The following ANO3 variants were observed in gnomAD, a reference collection of about 807,000 sequenced individuals.
The protein encoded by ANO3 is anoctamin-3.
A neutral mutation model predicts 144.8 loss-of-function variants in ANO3; 99 were observed. The ratio of observed to expected loss-of-function variants is 0.68; its 90% CI spans 0.58 to 0.81. ANO3 has a LOEUF of 0.81. Ranked by LOEUF, ANO3 falls within the 30% of genes least tolerant of loss-of-function variation. ANO3 has a pLI of 0.00. For synonymous variants in ANO3, 414 were observed against 392.6 expected, an observed-to-expected ratio of 1.05 and a Z score of -0.64; for missense variants, 905 against 1,202.2, an observed-to-expected ratio of 0.75 and a Z score of 3.66.
intron 8 of ANO3, among the ~76,000 whole-genome samples, chr11:26,532,196 G>A (rs1458716949): frequency 2.0e-5 from 3 of 152,132 alleles, no homozygotes; most frequent in Non-Finnish European, 4.4e-5. Flanking sequence ...TTTCCCCATA[G>A]CCTATTTATC....
At chr11:26,522,514 G>C (rs1446390097) in intron 6 of ANO3, among the ~76,000 whole-genome samples, 1 of 151,904 alleles carries the variant, frequency 6.6e-6, no homozygotes, top group Non-Finnish European at 1.5e-5. Context: ...CTTGACACAA[G>C]GTATAAAATA....
At chr11:26,529,340 TAA>T (rs1364606510) in intron 7 of ANO3, among the ~76,000 whole-genome samples, 4 of 196 alleles carry the variant, frequency 0.02, 2 homozygotes, top group African/African-American at 0.023. Context: ...TAATATATAA[TAA>T]TATATTATAT....
chr11:26,239,921 GTATT>G (rs1852623931), intron 1 of ANO3, among the ~76,000 whole-genome samples: 1 of 152,200 alleles, frequency 6.6e-6, no homozygotes, highest in African/African-American at 2.4e-5. Flanking sequence ...GAAAGAAAAT[GTATT>G]TATGTCTAAG....
intron 1 of ANO3, among the ~76,000 whole-genome samples, chr11:26,295,396 G>A (rs1854064388): frequency 6.6e-6 from 1 of 150,922 alleles, no homozygotes; most frequent in South Asian, 2.1e-4. Context: ...TTAGTGGCGG[G>A]CGCCTATAGT....
At chr11:26,227,909 T>C (rs1400533556) in intron 1 of ANO3, among the ~76,000 whole-genome samples, 1 of 152,204 alleles carries the variant, frequency 6.6e-6, no homozygotes, top group African/African-American at 2.4e-5. Context: ...GTCAGTGTGA[T>C]TGGAAAGTCA....
intron 10 of ANO3, among the ~76,000 whole-genome samples, chr11:26,539,777 T>C (rs1411188424): frequency 6.6e-6 from 1 of 152,180 alleles, no homozygotes. Context: ...TCACATTAAT[T>C]GCATACTTTC....
intron 14 of ANO3, among the ~76,000 whole-genome samples, chr11:26,574,020 T>C (rs1262696957): frequency 6.6e-6 from 1 of 152,140 alleles, no homozygotes; most frequent in Non-Finnish European, 1.5e-5. Flanking sequence ...ACTTTAGACC[T>C]CCTTTCTCCA....
intron 13 of ANO3, among the ~76,000 whole-genome samples, chr11:26,557,734 G>A (rs753198605): frequency 4.6e-5 from 7 of 152,088 alleles, no homozygotes; most frequent in Non-Finnish European, 8.8e-5. Flanking sequence ...CATGATCTAA[G>A]CTTGAGCCAT....
At chr11:26,532,963 A>G (rs892411513) in intron 8 of ANO3, among the ~76,000 whole-genome samples, 2 of 152,240 alleles carry the variant, frequency 1.3e-5, no homozygotes, top group Non-Finnish European at 2.9e-5. Context: ...CTGCTTAAAA[A>G]TTACTTGTTG....
At chr11:26,369,772 C>G (rs1856196927) in intron 1 of ANO3, among the ~76,000 whole-genome samples, 1 of 152,008 alleles carries the variant, frequency 6.6e-6, no homozygotes, top group Non-Finnish European at 1.5e-5. Context: ...CTATTGAATA[C>G]TCTATTGTTT....
intron 1 of ANO3, among the ~76,000 whole-genome samples, chr11:26,339,397 G>A (rs1015131699): frequency 1.3e-5 from 2 of 152,088 alleles, no homozygotes; most frequent in African/African-American, 2.4e-5. Flanking sequence ...CAGGCGATCC[G>A]CCTGCCTGGG....
At chr11:26,323,301 A>G (rs1447020233) in intron 1 of ANO3, among the ~76,000 whole-genome samples, 1 of 152,080 alleles carries the variant, frequency 6.6e-6, no homozygotes, top group Non-Finnish European at 1.5e-5. Flanking sequence ...TCTTGAGTAC[A>G]TTTTTAAAAA....
intron 1 of ANO3, among the ~76,000 whole-genome samples, chr11:26,315,686 C>CATCTATCTATCTATCTATCTATCT (rs764949318): frequency 9.2e-6 from 1 of 108,228 alleles, no homozygotes; most frequent in African/African-American, 2.9e-5. Flanking sequence ...TCTATCTATC[C>CATCTATCTATCTATCTATCTATCT]ATCTATCTAT....
At chr11:26,565,561 G>C (rs1850538550) in intron 14 of ANO3, 1 of 1,613,126 alleles carries the variant, frequency 6.2e-7, no homozygotes. Flanking sequence ...GTGGGTTTTA[G>C]ACTGCCCAAA....
At chr11:26,569,138 G>T (rs999624876) in intron 14 of ANO3, among the ~76,000 whole-genome samples, 1 of 151,970 alleles carries the variant, frequency 6.6e-6, no homozygotes, top group Non-Finnish European at 1.5e-5. Flanking sequence ...GAATTCTGTT[G>T]TTCCTGTTTC....
At chr11:26,627,486 TC>T (rs1454750706) in intron 18 of ANO3, among the ~76,000 whole-genome samples, 1 of 152,108 alleles carries the variant, frequency 6.6e-6, no homozygotes, top group Non-Finnish European at 1.5e-5. Context: ...AGTTCATTGT[TC>T]TTTAAACCCT....
At chr11:26,369,053 AC>A (rs1183792862) in intron 1 of ANO3, among the ~76,000 whole-genome samples, 2 of 152,134 alleles carry the variant, frequency 1.3e-5, no homozygotes, top group African/African-American at 4.8e-5. Flanking sequence ...ATTCATAAGA[AC>A]AAATAAGGTT....
intron 1 of ANO3, among the ~76,000 whole-genome samples, chr11:26,238,886 C>A (rs1458316034): frequency 6.6e-6 from 1 of 151,776 alleles, no homozygotes; most frequent in African/African-American, 2.4e-5. Context: ...TGTTTCAAAT[C>A]ATTATTCAAA....
In ANO3 at chr11:26,474,477, TTAA is replaced by T. The variant is rs374994700; in HGVS notation, c.432+11334_432+11336del. ...ACCTTTAAAATATTTTCAATTTTTC[TTAA>T]TAATTTTATACAATATTTTTAACTG... On this transcript the variant is annotated intron_variant, in intron 4 of 26. Transcript: ENST00000256737. Among the ~76,000 whole-genome samples the T allele has an allele frequency of 2.8e-4, 42 of 151,984 alleles. No individual in the cohort carries two copies. In the East Asian group the frequency reaches 7.9e-3, roughly 29 times the overall value.
Sources: allele counts gnomAD v4.1 joint callset (sites outside exome capture counted in the v4.1 genomes callset), GRCh38; gene constraint gnomAD v4.1.1; transcripts MANE v1.5; gene names NCBI Gene and HGNC (gene_info 2026-07-23, HGNC 2026-07-21).